The following CCDC146 variants were observed in gnomAD, a reference collection of about 807,000 sequenced individuals.
CCDC146 encodes the protein coiled-coil domain containing 146.
CCDC146 carries 92 observed loss-of-function variants against 119.3 expected under a neutral mutation model. That is an observed-to-expected ratio of 0.77 (90% CI 0.65 to 0.92). The LOEUF (loss-of-function observed/expected upper bound fraction) is 0.92, where lower values mean the gene tolerates loss of function less well. Among genes scored for constraint, CCDC146 ranks in the 40% least tolerant of loss-of-function variants. The probability of loss-of-function intolerance (pLI) is 0.00; values close to 1 mark genes in which losing one functional copy is unlikely to be tolerated. For missense variants in CCDC146, 1,000 were observed against 1,103.0 expected (o/e 0.91, Z 1.32); for synonymous variants, 372 against 371.8 (o/e 1.00, Z -0.01).
rs539404729 is a variant in CCDC146 at position 77,179,628 on chromosome 7, A to C, written c.156+11804A>C. ...AATGATAGAGTGACTAACTTTATAC[A>C]TGCATCATTTAATACTGGAGTAGTC... On this transcript the variant is annotated intron_variant, in intron 2 of 18. Transcript: ENST00000285871. Among the ~76,000 whole-genome samples, 5 of 152,268 alleles carry C rather than the reference A, an allele frequency of 3.3e-5. No individual in the cohort carries two copies. In the East Asian group the frequency reaches 7.7e-4, roughly 23 times the overall value.
In CCDC146 at chr7:77,280,559, A is replaced by C; in HGVS notation, c.1825A>C (p.Ile609Leu). The C allele has an allele frequency of 6.2e-7, 1 of 1,614,210 alleles. No homozygotes were observed. Among genetic ancestry groups the C allele is most frequent in the African/African-American group, 1.3e-5 (1 of 75,062 alleles). ...AAAGAAGGAAGCCCAGTTAAATAAC[A>C]TTGACAGACTTGCCAACACGATCAC... ...KEKKEAQLNN[I>L]DRLANTITMI... is the part of the protein sequence containing the mutation. The change falls in exon 14 of 19, where the codon ATT becomes CTT. Residue 609 changes from isoleucine to leucine, a missense_variant. By Grantham distance (5) the Ile-to-Leu change is conservative. This residue lies in a region of CCDC146 where 985 missense variants were observed against 1,045.3 expected (regional missense o/e 0.94). Transcript: ENST00000285871.
In CCDC146 at chr7:77,200,813, G is replaced by A. The variant is rs1791973660; in HGVS notation, c.156+32989G>A. 6.6e-5 allele frequency among the ~76,000 whole-genome samples: 10 copies of A among 152,312 alleles called. No homozygotes were observed. In the South Asian group the frequency reaches 2.1e-3, roughly 32 times the overall value. ...AAGGCAGGAAAGAGGAACAGCTTCA[G>A]TTAGAGAAACCACCTCCTTTTAATT... On this transcript the variant is annotated intron_variant, in intron 2 of 18. Coordinates refer to ENST00000285871, the MANE Select transcript of CCDC146 (RefSeq NM_020879.3).
chr7:77,167,078 C>T (rs1029468751), intron 1 of CCDC146, among the ~76,000 whole-genome samples: 5 of 152,040 alleles, frequency 3.3e-5, no homozygotes, highest in Non-Finnish European at 1.5e-5. Context: ...TTGTTTGTCC[C>T]GTTGGCAATT....
intron 11 of CCDC146, 64 bp from the exon 12 acceptor site, chr7:77,278,688 T>C: frequency 9.2e-7 from 1 of 1,090,696 alleles, no homozygotes; most frequent in South Asian, 1.3e-5. Context: ...AAGGGAATGA[T>C]GTGGGATAAA....
intron 9 of CCDC146, among the ~76,000 whole-genome samples, chr7:77,269,581 C>T (rs919910721): frequency 1.3e-5 from 2 of 152,114 alleles, no homozygotes; most frequent in African/African-American, 4.8e-5. Context: ...GGCCTTTGAC[C>T]GAAGAGGAGT....
intron 1 of CCDC146, among the ~76,000 whole-genome samples, chr7:77,136,092 C>A (rs1414030198): frequency 6.6e-6 from 1 of 152,138 alleles, no homozygotes; most frequent in Admixed American, 6.5e-5. Context: ...CCTTTCAATT[C>A]AATGAAGGTG....
intron 4 of CCDC146, 53 bp downstream of exon 4, chr7:77,241,953 A>G: frequency 7.1e-7 from 1 of 1,401,582 alleles, no homozygotes; most frequent in Non-Finnish European, 1.0e-6. Flanking sequence ...TCATAAATAG[A>G]AAAAAATCAG....
chr7:77,179,525 T>C (rs1791549310), intron 2 of CCDC146, among the ~76,000 whole-genome samples: 1 of 152,184 alleles, frequency 6.6e-6, no homozygotes. Flanking sequence ...TTTCAAGGCA[T>C]GAATGGAACA....
At chr7:77,263,793 G>T (rs1245030354) in intron 9 of CCDC146, among the ~76,000 whole-genome samples, 1 of 152,102 alleles carries the variant, frequency 6.6e-6, no homozygotes, top group Non-Finnish European at 1.5e-5. Flanking sequence ...GTGTGCTGGT[G>T]CACACCCATG....
chr7:77,268,480 A>G (rs1373564370), intron 9 of CCDC146, among the ~76,000 whole-genome samples: 3 of 152,156 alleles, frequency 2.0e-5, no homozygotes, highest in African/African-American at 7.2e-5. Context: ...CCATTTCTGT[A>G]TGTGCTTACT....
intron 2 of CCDC146, among the ~76,000 whole-genome samples, chr7:77,168,550 T>A (rs1791372829): frequency 6.6e-6 from 1 of 152,004 alleles, no homozygotes; most frequent in South Asian, 2.1e-4. Context: ...CAAAAACAGT[T>A]TATTAAAAAC....
intron 7 of CCDC146, 51 bp from the exon 8 acceptor site, chr7:77,259,957 TG>T: frequency 5.8e-6 from 2 of 346,996 alleles, no homozygotes; most frequent in Non-Finnish European, 9.9e-6. Context: ...TGTGTGTGTG[TG>T]TGTGTGTGTG....
intron 2 of CCDC146, among the ~76,000 whole-genome samples, chr7:77,207,358 G>A (rs1379950281): frequency 6.6e-6 from 1 of 152,126 alleles, no homozygotes. Flanking sequence ...ATCAACAGAT[G>A]TAAAATTGCT....
intron 1 of CCDC146, among the ~76,000 whole-genome samples, chr7:77,126,132 A>G (rs1459126081): frequency 6.6e-6 from 1 of 152,140 alleles, no homozygotes; most frequent in Non-Finnish European, 1.5e-5. Context: ...AAGGAAGTTT[A>G]CTTTCTAATT....
chr7:77,175,550 A>C (rs576278432), intron 2 of CCDC146, among the ~76,000 whole-genome samples: 1 of 151,362 alleles, frequency 6.6e-6, no homozygotes, highest in Non-Finnish European at 1.5e-5. Context: ...TTTCACGAAA[A>C]CAAGTTATAT....
intron 2 of CCDC146, among the ~76,000 whole-genome samples, chr7:77,179,876 ACT>A (rs1791556441): frequency 6.6e-6 from 1 of 152,064 alleles, no homozygotes; most frequent in South Asian, 2.1e-4. Flanking sequence ...CTTTTCTCCT[ACT>A]TTGTTTCCAT....
chr7:77,226,998 C>T (rs1260940023), intron 2 of CCDC146, among the ~76,000 whole-genome samples: 1 of 152,084 alleles, frequency 6.6e-6, no homozygotes, highest in African/African-American at 2.4e-5. Flanking sequence ...AATCTATTCT[C>T]CACAGTTTAG....
At chr7:77,183,918 C>A (rs553551625) in intron 2 of CCDC146, among the ~76,000 whole-genome samples, 1 of 152,134 alleles carries the variant, frequency 6.6e-6, no homozygotes, top group African/African-American at 2.4e-5. Context: ...TAAAGTCTCT[C>A]GCTAAAATAA....
chr7:77,199,384 A>T, intron 2 of CCDC146: 1 of 1,613,920 alleles, frequency 6.2e-7, no homozygotes, highest in Non-Finnish European at 8.5e-7. Context: ...CAGCTTGTTA[A>T]CCTCACTCTC....
Sources: gnomAD v4.1 joint callset for allele counts (sites outside exome capture counted in the v4.1 genomes callset) on GRCh38, gnomAD v4.1.1 for gene constraint, gnomAD v4.1.1 regional missense constraint, MANE v1.5 for transcripts, NCBI Gene and HGNC (gene_info 2026-07-23, HGNC 2026-07-21) for gene names.